The following AP3S2 variants were observed in gnomAD, a reference collection of about 807,000 sequenced individuals.
AP3S2 encodes AP-3 complex subunit sigma-2.
Under a neutral mutation model 23.4 loss-of-function variants are expected in AP3S2, and 22 were observed. The ratio of observed to expected loss-of-function variants is 0.94; its 90% CI spans 0.67 to 1.34. The LOEUF (loss-of-function observed/expected upper bound fraction) is 1.34, where lower values mean the gene tolerates loss of function less well. Among genes scored for constraint, AP3S2 ranks in the 40% most tolerant of loss-of-function variants. The pLI, the probability that AP3S2 is intolerant of heterozygous loss-of-function variation, is 0.00. For missense variants in AP3S2, 241 were observed against 236.9 expected, an observed-to-expected ratio of 1.02 and a Z score of -0.11; for synonymous variants, 86 against 87.1, an observed-to-expected ratio of 0.99 and a Z score of 0.07.
intron 3 of AP3S2, among the ~76,000 whole-genome samples, chr15:89,880,751 A>G (rs1896552722): frequency 6.6e-6 from 1 of 152,192 alleles, no homozygotes; most frequent in African/African-American, 2.4e-5. Context: ...TTAACTCAGT[A>G]GAATAAAATG....
In AP3S2 at chr15:89,835,436, T is replaced by C. The variant is rs1319640709; in HGVS notation, c.*79A>G. ...GGCTTGACTCTTCTAAGGCTCAAAA[T>C]GGGTTCTGTTTCCAGACGTGCTTGC... On this transcript the variant is annotated 3_prime_UTR_variant, in exon 6 of 6. Transcript: ENST00000336418. 4.4e-6 allele frequency: 7 copies of C among 1,586,788 alleles called. No homozygotes were observed. The African/African-American group carries it at 8.1e-5, about 18-fold the overall frequency.
chr15:89,889,248 A>C, intron 1 of AP3S2, 108 bp from the exon 2 acceptor site: 3 of 1,136,658 alleles, frequency 2.6e-6, no homozygotes, highest in Non-Finnish European at 3.8e-6. Flanking sequence ...ACATCTAAAC[A>C]TTTAGTACTT....
intron 4 of AP3S2, among the ~76,000 whole-genome samples, chr15:89,860,756 C>G (rs1392940366): frequency 6.6e-6 from 1 of 152,066 alleles, no homozygotes; most frequent in African/African-American, 2.4e-5. Flanking sequence ...AAATTCTTAC[C>G]TATCAAGCAT....
At chr15:89,836,575 T>G (rs1567171224) in intron 5 of AP3S2, among the ~76,000 whole-genome samples, 1 of 152,048 alleles carries the variant, frequency 6.6e-6, no homozygotes, top group East Asian at 1.9e-4. Context: ...AGTATGCACA[T>G]CTACAGTGAA....
intron 4 of AP3S2, among the ~76,000 whole-genome samples, chr15:89,868,605 G>C (rs1896225249): frequency 8.1e-6 from 1 of 123,390 alleles, no homozygotes; most frequent in African/African-American, 3.1e-5. Context: ...GCCCCGTCTG[G>C]GAGGTGAGGG....
intron 4 of AP3S2, among the ~76,000 whole-genome samples, chr15:89,865,986 G>A (rs1025858611): frequency 3.3e-5 from 5 of 152,136 alleles, no homozygotes; most frequent in African/African-American, 7.2e-5. Flanking sequence ...GGCTGGGCGC[G>A]GTGGCTCACT....
At chr15:89,858,699 C>G (rs145605498) in intron 4 of AP3S2, among the ~76,000 whole-genome samples, 1 of 152,134 alleles carries the variant, frequency 6.6e-6, no homozygotes, top group Non-Finnish European at 1.5e-5. Context: ...AAATACAATT[C>G]GTTTTATCTG....
intron 3 of AP3S2, among the ~76,000 whole-genome samples, chr15:89,881,238 G>C (rs1197154691): frequency 6.6e-6 from 1 of 152,170 alleles, no homozygotes; most frequent in East Asian, 1.9e-4. Flanking sequence ...AGGCAAAGGA[G>C]CCGGACCATG....
chr15:89,835,625 G>A lies in AP3S2; in HGVS notation c.472C>T (p.Pro158Ser), dbSNP rs773302840. Residue 158 changes from proline to serine, a missense_variant, in exon 6 of 6, where the codon CCT (proline) becomes TCT (serine). By Grantham distance (74) the Pro-to-Ser change is moderately conservative. Coordinates refer to ENST00000336418, the MANE Select transcript of AP3S2 (RefSeq NM_005829.5). ...TTCACAGCAGACACAGCCCGCGCAG[G>A]GGCTGCTGAAAGGCCACCCTAAGAA... ...EKSEGGLSAAPARAVSAVKNI... is the reference protein window; with the variant it reads ...EKSEGGLSAASARAVSAVKNI... 2 of 1,613,118 alleles carry A rather than the reference G, an allele frequency of 1.2e-6. No homozygotes were observed. The highest frequency in any genetic ancestry group is 1.7e-6 in the Non-Finnish European group (2 of 1,179,864).
intron 4 of AP3S2, among the ~76,000 whole-genome samples, chr15:89,861,514 T>C (rs1896008941): frequency 6.6e-6 from 1 of 152,168 alleles, no homozygotes; most frequent in African/African-American, 2.4e-5. Context: ...TCAGTCATAA[T>C]GTTGAGCTGT....
rs144285853 is a variant in AP3S2 at position 89,860,799 on chromosome 15, C to T, written c.345+10676G>A. Among the ~76,000 whole-genome samples the T allele has an allele frequency of 7.9e-3, 1,203 of 152,218 alleles. 26 individuals carry two copies. The highest frequency in any genetic ancestry group is 0.048 in the Admixed American group (736 of 15,286). ...GAAGGGCTTTATAGATGCAATGGAACACAAGGCTGGTCTCAGCTCTCTTCT... is the reference window on the plus strand; with the variant it reads ...GAAGGGCTTTATAGATGCAATGGAATACAAGGCTGGTCTCAGCTCTCTTCT... On this transcript the variant is annotated intron_variant, in intron 4 of 5. Transcript: ENST00000336418.
At chr15:89,839,728 T>C (rs1008414883) in intron 4 of AP3S2, among the ~76,000 whole-genome samples, 6 of 152,212 alleles carry the variant, frequency 3.9e-5, no homozygotes, top group Non-Finnish European at 8.8e-5. Flanking sequence ...CATAGCAGTA[T>C]TATTCACAAC....
chr15:89,870,794 G>A (rs922599245), intron 4 of AP3S2, among the ~76,000 whole-genome samples: 5 of 152,168 alleles, frequency 3.3e-5, no homozygotes, highest in Admixed American at 2.0e-4. Flanking sequence ...AACCAAAGAC[G>A]CACCAGTAAA....
rs561186605 is a variant in AP3S2, at chr15:89,838,722, A to G, written c.346-1000T>C. ...GATAGTCCTGGGGAAGTCAGAGAAG[A>G]AAGGGTACAGTGGCTAGAGAGATCA... is the stretch of plus-strand genomic sequence containing the variant. On this transcript the variant is annotated intron_variant, in intron 4 of 5. Coordinates refer to ENST00000336418, the MANE Select transcript of AP3S2 (RefSeq NM_005829.5). Among the ~76,000 whole-genome samples the G allele has an allele frequency of 2.0e-5, 3 of 152,308 alleles. No homozygotes were observed. The East Asian group carries it at 5.8e-4, about 29-fold the overall frequency.
rs1567191373 is a variant in AP3S2, at chr15:89,893,875, A to G, written c.69+6T>C. ...AAGGGGCGTGGTGAAGCCGGGCCGC[A>G]CTCACGAAACGCTGGTAGAAGCGGA... On this transcript the variant is annotated splice_donor_region_variant and intron_variant, in intron 1 of 5. Transcript: ENST00000336418. The G allele has an allele frequency of 1.3e-6, 2 of 1,551,658 alleles. No individual in the cohort carries two copies. Among genetic ancestry groups the G allele is most frequent in the East Asian group, 2.4e-5 (1 of 40,914 alleles).
intron 3 of AP3S2, chr15:89,876,410 C>A (rs927638987): frequency 6.6e-6 from 1 of 151,252 alleles, no homozygotes; most frequent in South Asian, 2.1e-4. Flanking sequence ...CAGAGTGAGA[C>A]GCCGTCTCCA....
At chr15:89,855,382 AAC>A (rs2141857929) in intron 4 of AP3S2, among the ~76,000 whole-genome samples, 1 of 81,386 alleles carries the variant, frequency 1.2e-5, no homozygotes, top group Admixed American at 1.5e-4. Flanking sequence ...CAGGGACACA[AAC>A]ACTGCGGAAG....
chr15:89,867,085 C>T lies in AP3S2; in HGVS notation c.345+4390G>A, dbSNP rs963653271. ...CCTCTCATGCGGAGCCGAAGCTGGA[C>T]TGTACTACTGCCATCTCGGCTCACT... On this transcript the variant is annotated intron_variant, in intron 4 of 5. Transcript: ENST00000336418. 2.2e-3 allele frequency among the ~76,000 whole-genome samples: 323 copies of T among 146,484 alleles called. 1 individual carries two copies. Among genetic ancestry groups the T allele is most frequent in the African/African-American group, 7.7e-3 (308 of 39,910 alleles).
intron 4 of AP3S2, among the ~76,000 whole-genome samples, chr15:89,856,280 TG>T (rs2141859330): frequency 1.3e-5 from 2 of 152,276 alleles, no homozygotes; most frequent in African/African-American, 4.8e-5. Flanking sequence ...AAATGGGCCT[TG>T]GCTGGGTGCA....
Sources: gnomAD v4.1 joint callset for allele counts (sites outside exome capture counted in the v4.1 genomes callset) on GRCh38, gnomAD v4.1.1 for gene constraint, MANE v1.5 for transcripts, NCBI Gene and HGNC (gene_info 2026-07-23, HGNC 2026-07-21) for gene names.